Variants in ZNF385D observed in about 807,000 individuals in gnomAD.
ZNF385D encodes the protein zinc finger protein 659.
Under a neutral mutation model 35.8 loss-of-function variants are expected in ZNF385D, and 15 were observed. That is an observed-to-expected ratio of 0.42 (90% CI 0.28 to 0.64). ZNF385D has a LOEUF of 0.64. Among genes scored for constraint, ZNF385D ranks in the 30% least tolerant of loss-of-function variants. The pLI is 0.23. For missense variants in ZNF385D, 474 were observed against 494.6 expected, an observed-to-expected ratio of 0.96 and a Z score of 0.39; for synonymous variants, 212 against 186.8, an observed-to-expected ratio of 1.13 and a Z score of -1.10.
intron 3 of ZNF385D, among the ~76,000 whole-genome samples, chr3:22,135,003 A>G (rs900804543): frequency 3.3e-5 from 5 of 152,170 alleles, no homozygotes; most frequent in African/African-American, 1.2e-4. Flanking sequence ...ATAATTAACA[A>G]TCATACAAAG....
chr3:21,796,718 T>C (rs2072169386), intron 3 of ZNF385D, among the ~76,000 whole-genome samples: 1 of 152,146 alleles, frequency 6.6e-6, no homozygotes, highest in Non-Finnish European at 1.5e-5. Flanking sequence ...ATGATGGCCA[T>C]TTTGTTGATA....
chr3:22,047,352 T>C (rs537003166), intron 3 of ZNF385D, among the ~76,000 whole-genome samples: 3 of 152,220 alleles, frequency 2.0e-5, no homozygotes, highest in South Asian at 4.1e-4. Context: ...AGATCTCTTG[T>C]ACTTACTCCT....
At chr3:22,329,801 A>G (rs1559523588) in intron 2 of ZNF385D, among the ~76,000 whole-genome samples, 1 of 152,224 alleles carries the variant, frequency 6.6e-6, no homozygotes, top group African/African-American at 2.4e-5. Context: ...TTTTAACCCA[A>G]TATATACACA....
chr3:22,281,748 G>A (rs1483220503), intron 2 of ZNF385D, among the ~76,000 whole-genome samples: 5 of 151,890 alleles, frequency 3.3e-5, no homozygotes, highest in African/African-American at 2.4e-5. Context: ...GGATAATACT[G>A]GCTTCATAGA....
chr3:22,196,021 C>G (rs903029802), intron 2 of ZNF385D, among the ~76,000 whole-genome samples: 1 of 151,626 alleles, frequency 6.6e-6, no homozygotes, highest in Non-Finnish European at 1.5e-5. Flanking sequence ...GGGGTCTTTT[C>G]GAGGGTGGAG....
At chr3:21,590,337 C>T (rs1307123343) in intron 2 of ZNF385D, among the ~76,000 whole-genome samples, 3 of 151,998 alleles carry the variant, frequency 2.0e-5, no homozygotes, top group Admixed American at 1.3e-4. Flanking sequence ...GGGATATGAC[C>T]AGCAGGGAGA....
intron 3 of ZNF385D, among the ~76,000 whole-genome samples, chr3:22,082,973 G>A (rs573729855): frequency 6.6e-6 from 1 of 152,184 alleles, no homozygotes; most frequent in Non-Finnish European, 1.5e-5. Context: ...CAACAGACCT[G>A]CAGCTGAGGA....
intron 3 of ZNF385D, among the ~76,000 whole-genome samples, chr3:22,071,108 T>C (rs1404028098): frequency 6.6e-6 from 1 of 152,186 alleles, no homozygotes; most frequent in Non-Finnish European, 1.5e-5. Context: ...CAGTCCTGGA[T>C]ACAGAATGCT....
intron 3 of ZNF385D, among the ~76,000 whole-genome samples, chr3:21,907,091 C>G (rs1166857524): frequency 2.0e-5 from 3 of 152,142 alleles, no homozygotes; most frequent in Non-Finnish European, 2.9e-5. Context: ...ACATTTCCCA[C>G]CTGCTCATCG....
chr3:22,168,245 G>A (rs1323603166), intron 3 of ZNF385D, among the ~76,000 whole-genome samples: 2 of 151,926 alleles, frequency 1.3e-5, no homozygotes, highest in Non-Finnish European at 2.9e-5. Flanking sequence ...TCTTCCCAAA[G>A]ATATTTTTGT....
chr3:21,815,894 AC>A (rs1374150407), intron 3 of ZNF385D, among the ~76,000 whole-genome samples: 5 of 152,186 alleles, frequency 3.3e-5, no homozygotes, highest in African/African-American at 1.2e-4. Flanking sequence ...AGAATTTTAG[AC>A]CAATATCCCT....
intron 3 of ZNF385D, among the ~76,000 whole-genome samples, chr3:21,812,846 T>C (rs773350272): frequency 4.6e-5 from 7 of 152,146 alleles, no homozygotes; most frequent in Non-Finnish European, 1.0e-4. Context: ...AAGAGAGTAG[T>C]AGTTCTCCCA....
intron 3 of ZNF385D, among the ~76,000 whole-genome samples, chr3:21,897,217 C>G (rs1466618044): frequency 6.6e-6 from 1 of 152,114 alleles, no homozygotes; most frequent in African/African-American, 2.4e-5. Flanking sequence ...TAATGGTTCT[C>G]TTGAGCCTGC....
At chr3:21,493,514 T>C (rs551625414) in intron 4 of ZNF385D, among the ~76,000 whole-genome samples, 5 of 152,254 alleles carry the variant, frequency 3.3e-5, no homozygotes, top group African/African-American at 1.2e-4. Context: ...ACCTCTGAAC[T>C]CTGGACTACA....
At chr3:21,696,487 G>A (rs1348922722) in intron 1 of ZNF385D, among the ~76,000 whole-genome samples, 1 of 152,142 alleles carries the variant, frequency 6.6e-6, no homozygotes, top group Non-Finnish European at 1.5e-5. Context: ...ATACAGTCAT[G>A]TAGAAGCTGG....
rs183365238 is a variant in ZNF385D, at chr3:22,099,622, T to C, written c.325+69195A>G. On this transcript the variant is annotated intron_variant, in intron 3 of 5. Coordinates refer to the ZNF385D transcript ENST00000494108. Reference sequence around the variant, plus strand: ...CCTGATTTAGTGGAAATGGAAATAATCCCTTGTGTGCCCACAGAGAATAAA... The same window carrying C: ...CCTGATTTAGTGGAAATGGAAATAACCCCTTGTGTGCCCACAGAGAATAAA... Among the ~76,000 whole-genome samples, 3 of 152,060 alleles carry C rather than the reference T, an allele frequency of 2.0e-5. No individual in the cohort carries two copies. The East Asian group carries it at 5.8e-4, about 30-fold the overall frequency.
chr3:21,546,629 A>G (rs544748613), intron 3 of ZNF385D, among the ~76,000 whole-genome samples: 88 of 151,936 alleles, frequency 5.8e-4, no homozygotes, highest in African/African-American at 2.1e-3. Flanking sequence ...AACTGGATCT[A>G]AGGGATCCAG....
chr3:22,085,448 C>G (rs1700980346), intron 3 of ZNF385D, among the ~76,000 whole-genome samples: 1 of 152,170 alleles, frequency 6.6e-6, no homozygotes, highest in Admixed American at 6.5e-5. Context: ...CTATAAACAC[C>G]TCCATGCAAA....
chr3:22,137,743 C>A (rs1343012132), intron 3 of ZNF385D, among the ~76,000 whole-genome samples: 2 of 152,024 alleles, frequency 1.3e-5, no homozygotes, highest in Non-Finnish European at 2.9e-5. Flanking sequence ...GGAAGCATTC[C>A]CTTTGAAAAC....
Sources: gnomAD v4.1 joint callset for allele counts (sites outside exome capture counted in the v4.1 genomes callset) on GRCh38, gnomAD v4.1.1 for gene constraint, MANE v1.5 for transcripts, NCBI Gene and HGNC (gene_info 2026-07-23, HGNC 2026-07-21) for gene names.